Variants in IL31RA observed in about 807,000 individuals in gnomAD.
The protein encoded by IL31RA is interleukin 31 receptor A.
In IL31RA, 66 loss-of-function variants were observed where a neutral mutation model predicts 83.7. That is an observed-to-expected ratio of 0.79 (90% CI 0.65 to 0.97). IL31RA has a LOEUF of 0.97. Ranked by LOEUF, IL31RA falls within the 50% of genes least tolerant of loss-of-function variation. The pLI is 0.00. For missense variants in IL31RA, 798 were observed against 919.4 expected, an observed-to-expected ratio of 0.87 and a Z score of 1.71; for synonymous variants, 325 against 329.0, an observed-to-expected ratio of 0.99 and a Z score of 0.13.
At chr5:55,865,932 T>G (rs1746020298) in intron 2 of IL31RA, among the ~76,000 whole-genome samples, 1 of 152,204 alleles carries the variant, frequency 6.6e-6, no homozygotes, top group South Asian at 2.1e-4. Context: ...TAAGTCCTTG[T>G]GTTGCCCTCT....
chr5:55,889,146 G>C (rs1433501930), intron 5 of IL31RA, among the ~76,000 whole-genome samples: 1 of 152,106 alleles, frequency 6.6e-6, no homozygotes, highest in Non-Finnish European at 1.5e-5. Context: ...CTAATATTGA[G>C]CTAAATGTTT....
intron 5 of IL31RA, among the ~76,000 whole-genome samples, chr5:55,885,112 A>G (rs921655936): frequency 2.6e-5 from 4 of 152,324 alleles, no homozygotes; most frequent in East Asian, 1.9e-4. Flanking sequence ...TCAGGTTTCT[A>G]TGAATATACC....
chr5:55,853,784 G>T (rs956952503), intron 1 of IL31RA, among the ~76,000 whole-genome samples: 3 of 152,108 alleles, frequency 2.0e-5, no homozygotes, highest in African/African-American at 7.2e-5. Context: ...TAGAGGTGAA[G>T]GATTGGGGAA....
chr5:55,862,804 A>C (rs1425998689), intron 2 of IL31RA, among the ~76,000 whole-genome samples: 1 of 152,140 alleles, frequency 6.6e-6, no homozygotes, highest in Non-Finnish European at 1.5e-5. Context: ...ACAGGTCCTT[A>C]GTCTTTCCTT....
In IL31RA at chr5:55,883,644, A is replaced by G. The variant is rs532916780; in HGVS notation, c.606+449A>G. Among the ~76,000 whole-genome samples, 34 of 152,322 alleles carry G rather than the reference A, an allele frequency of 2.2e-4. No individual in the cohort carries two copies. In the South Asian group the frequency reaches 6.2e-3, roughly 28 times the overall value. On this transcript the variant is annotated intron_variant, in intron 5 of 14. Transcript: ENST00000652347. ...TAGAAACCACTGCGGCCAAGAATAG[A>G]ACTTCTCCAGGATGCCAGAGCCCCC...
intron 11 of IL31RA, chr5:55,909,079 C>A: frequency 5.5e-6 from 1 of 180,772 alleles, no homozygotes; most frequent in Non-Finnish European, 1.1e-5. Context: ...TGGCAACTAC[C>A]AAACTGCTTT....
intron 4 of IL31RA, among the ~76,000 whole-genome samples, chr5:55,881,915 G>A (rs556387798): frequency 6.6e-6 from 1 of 151,866 alleles, no homozygotes; most frequent in Non-Finnish European, 1.5e-5. Context: ...GTTTCACTAT[G>A]TTGGCCAGGC....
At chr5:55,876,173 T>G (rs1297679618) in intron 4 of IL31RA, among the ~76,000 whole-genome samples, 2 of 152,126 alleles carry the variant, frequency 1.3e-5, no homozygotes, top group Non-Finnish European at 1.5e-5. Context: ...TTTGGGAGGC[T>G]GAGGCGGGCA....
chr5:55,908,488 G>T, intron 11 of IL31RA, 77 bp downstream of exon 11: 1 of 1,613,638 alleles, frequency 6.2e-7, no homozygotes, highest in Non-Finnish European at 8.5e-7. Flanking sequence ...TTGTAGGCAT[G>T]GCTCCCCCAT....
the IL31RA span, among the ~76,000 whole-genome samples, chr5:55,845,170 A>G: frequency 6.6e-6 from 1 of 152,132 alleles, no homozygotes; most frequent in Admixed American, 6.5e-5. Context: ...GCCTTATAAC[A>G]TTTTGTTGAA....
chr5:55,913,112 A>T (rs1749593102), intron 12 of IL31RA, among the ~76,000 whole-genome samples: 1 of 151,512 alleles, frequency 6.6e-6, no homozygotes, highest in Non-Finnish European at 1.5e-5. Flanking sequence ...TGTTTTTGAG[A>T]TGAAGTTTAG....
At chr5:55,886,537 G>A (rs1389945248) in intron 5 of IL31RA, among the ~76,000 whole-genome samples, 2 of 152,230 alleles carry the variant, frequency 1.3e-5, no homozygotes, top group African/African-American at 4.8e-5. Context: ...GCCTCCCAAA[G>A]TGTTGGGATT....
intron 10 of IL31RA, among the ~76,000 whole-genome samples, chr5:55,907,808 G>A (rs932661499): frequency 7.2e-5 from 11 of 152,222 alleles, no homozygotes; most frequent in African/African-American, 2.2e-4. Context: ...AGCTAGGGAT[G>A]TTAAAAAATT....
In IL31RA at chr5:55,902,091, T is replaced by C. The variant is rs185450041; in HGVS notation, c.1069+1959T>C. Among the ~76,000 whole-genome samples, 23 of 152,328 alleles carry C rather than the reference T, an allele frequency of 1.5e-4. No homozygotes were observed. The East Asian group carries it at 4.0e-3, about 27-fold the overall frequency. Reference sequence around the variant, plus strand: ...AATTATAAGGGTCCTAGATCAGGTATTGGCACACTGCAGCTTGCAGGTTAA... The same window carrying C: ...AATTATAAGGGTCCTAGATCAGGTACTGGCACACTGCAGCTTGCAGGTTAA... On this transcript the variant is annotated intron_variant, in intron 8 of 14. Coordinates refer to ENST00000652347, the MANE Select transcript of IL31RA (RefSeq NM_139017.7).
Position 55,916,951 on chromosome 5 carries a change from A to T in IL31RA, c.2126A>T (p.Glu709Val), listed in dbSNP as rs778970534. Residue 709 changes from glutamate (E) to valine (V), a missense_variant, in exon 15 of 15, where the codon GAG becomes GTG. By Grantham distance (121) the Glu-to-Val change is moderately radical. Coordinates refer to ENST00000652347, the MANE Select transcript of IL31RA (RefSeq NM_139017.7). ...CAATACCTACGTTCGAGGATGCCAG[A>T]GGGGACCCGCCCAGAAGCCAAAGAG... ...KSQYLRSRMP[E>V]GTRPEAKEQL... The T allele has an allele frequency of 6.2e-7, 1 of 1,613,940 alleles. No individual in the cohort carries two copies. The highest frequency in any genetic ancestry group is 1.1e-5 in the South Asian group (1 of 91,078).
rs1181304473 is a variant in IL31RA at position 55,903,484 on chromosome 5, T to A, written c.1070-2622T>A. Among the ~76,000 whole-genome samples the A allele has an allele frequency of 1.3e-5, 2 of 152,024 alleles. No homozygotes were observed. Among genetic ancestry groups the A allele is most frequent in the Admixed American group, 1.3e-4 (2 of 15,262 alleles). On this transcript the variant is annotated intron_variant, in intron 8 of 14. Coordinates refer to ENST00000652347, the MANE Select transcript of IL31RA (RefSeq NM_139017.7). The surrounding 1 kb of genome is among the most constrained non-coding windows in gnomAD (Gnocchi z 4.7). ...GGCGATTCGTTTATATTGAGTAGAG[T>A]GATGACTTGGAAATTCCCCTTTTGG...
chr5:55,862,435 G>A (rs575040937), intron 2 of IL31RA, among the ~76,000 whole-genome samples: 2 of 151,856 alleles, frequency 1.3e-5, no homozygotes, highest in South Asian at 2.1e-4. Flanking sequence ...ACGGAGTCTC[G>A]CTCTGTCGCC....
At chr5:55,894,777 C>T (rs757108789) in intron 6 of IL31RA, among the ~76,000 whole-genome samples, 3 of 152,150 alleles carry the variant, frequency 2.0e-5, no homozygotes, top group Non-Finnish European at 4.4e-5. Context: ...AATGCAATGG[C>T]GCGATCTCAG....
Position 55,851,395 on chromosome 5 carries a change from A to T in IL31RA, c.-176A>T, listed in dbSNP as rs1355454665. The T allele has an allele frequency of 1.0e-5, 11 of 1,081,478 alleles. No homozygotes were observed. Among genetic ancestry groups the T allele is most frequent in the Non-Finnish European group, 1.5e-5 (11 of 739,682 alleles). 67.0% of individuals were successfully genotyped at this position (1,081,478 alleles called of 1,614,324 possible). Reference sequence around the variant, plus strand: ...GCTTAGGAACACCAGACAGCACTCCAGCACTCTGCTTGGGGGGCATTCGAA... The same window carrying T: ...GCTTAGGAACACCAGACAGCACTCCTGCACTCTGCTTGGGGGGCATTCGAA... On this transcript the variant is annotated 5_prime_UTR_variant, in exon 1 of 15. Transcript: ENST00000652347.
Sources: allele counts gnomAD v4.1 joint callset (sites outside exome capture counted in the v4.1 genomes callset), GRCh38; gene constraint gnomAD v4.1.1; non-coding constraint Gnocchi (gnomAD v3.1); transcripts MANE v1.5; gene names NCBI Gene and HGNC (gene_info 2026-07-23, HGNC 2026-07-21).